ZER1: variants seen among roughly 807,000 people sequenced by gnomAD.
The protein encoded by ZER1 is zyg-11 related cell cycle regulator.
A neutral mutation model predicts 78.8 loss-of-function variants in ZER1; 11 were observed. That is an observed-to-expected ratio of 0.14 (90% CI 0.09 to 0.23). The LOEUF (loss-of-function observed/expected upper bound fraction) is 0.23. Among genes scored for constraint, ZER1 ranks in the 10% least tolerant of loss-of-function variants. The pLI, the probability that ZER1 is intolerant of heterozygous loss-of-function variation, is 1.00. For synonymous variants in ZER1, 400 were observed against 407.0 expected, an observed-to-expected ratio of 0.98 and a Z score of 0.21; for missense variants, 588 against 996.9, an observed-to-expected ratio of 0.59 and a Z score of 5.52.
chr9:128,739,080 G>C (rs1489289055), intron 13 of ZER1, among the ~76,000 whole-genome samples: 1 of 151,740 alleles, frequency 6.6e-6, no homozygotes, highest in Admixed American at 6.6e-5. Flanking sequence ...TTGAACTCCT[G>C]ACCTCGTGAT....
At position 128,755,725 on chromosome 9, in the gene ZER1, C is replaced by T; in HGVS notation, c.-94-66G>A. 1 of 930,702 alleles carries T rather than the reference C, an allele frequency of 1.1e-6. No homozygotes were observed. The highest frequency in any genetic ancestry group is 1.6e-6 in the Non-Finnish European group (1 of 637,826). 57.7% of individuals were successfully genotyped at this position (930,702 alleles called of 1,614,324 possible). A position where few individuals can be genotyped will look rare whatever the true frequency, so the allele number is the denominator to read the frequency against. On this transcript the variant is annotated intron_variant, in intron 1 of 15. Coordinates refer to ENST00000291900, the MANE Select transcript of ZER1 (RefSeq NM_006336.4). This position sits in a 1 kb window ranked among gnomAD's most constrained non-coding sequence, Gnocchi z 5.6. Reference sequence around the variant, plus strand: ...GCTAGAACTATCAGTGGTCCCATGTCCACGCTCTGAGTAGGGAAACTGAGA... The same window carrying T: ...GCTAGAACTATCAGTGGTCCCATGTTCACGCTCTGAGTAGGGAAACTGAGA...
rs759230170 is a variant in ZER1, at chr9:128,753,183, C to G, written c.727G>C (p.Val243Leu). The change falls in exon 4 of 16, where the codon GTG (valine) becomes CTG (leucine). Residue 243 changes from valine (V) to leucine (L), a missense_variant. Around this residue, in one of 3 missense-constraint regions of ZER1, gnomAD observed 406 missense variants for 660.1 expected, o/e 0.62. Coordinates refer to ENST00000291900, the MANE Select transcript of ZER1 (RefSeq NM_006336.4). The surrounding 1 kb of genome is among the most constrained non-coding windows in gnomAD (Gnocchi z 7.5). ...DLSDDHIRVI[V>L]QLHKLRHLDI... Reference sequence around the variant, plus strand: ...GCTCACCGCAGCTTGTGCAGCTGCACGATGACCCGGATGTGGTCGTCGGAC... The same window carrying G: ...GCTCACCGCAGCTTGTGCAGCTGCAGGATGACCCGGATGTGGTCGTCGGAC... 13 of 1,551,504 alleles carry G rather than the reference C, an allele frequency of 8.4e-6. No homozygotes were observed. Among genetic ancestry groups the G allele is most frequent in the Non-Finnish European group, 1.1e-5 (13 of 1,146,630 alleles).
chr9:128,750,193 T>C (rs1334842020), intron 8 of ZER1, among the ~76,000 whole-genome samples: 2 of 152,260 alleles, frequency 1.3e-5, no homozygotes, highest in Non-Finnish European at 2.9e-5. Flanking sequence ...TCACAATTGA[T>C]ATCCCATGTT....
chr9:128,751,221 G>A lies in ZER1; in HGVS notation c.1086C>T (p.Ala362=). 6.2e-7 allele frequency: 1 copy of A among 1,605,998 alleles called. No homozygotes were observed. Among genetic ancestry groups the A allele is most frequent in the South Asian group, 1.1e-5 (1 of 90,938 alleles). ...TGATCTCAGGCCGGTGCTCCGTGTAGGCCTCGATGGCATTCAGCACCTGCT... is the reference window on the plus strand; with the variant it reads ...TGATCTCAGGCCGGTGCTCCGTGTAAGCCTCGATGGCATTCAGCACCTGCT... ...NEEQVLNAIE[A]YTEHRPEITS... is the part of the protein sequence containing the mutation. The change falls in exon 7 of 16, where the codon GCC becomes GCT. Residue 362 remains alanine, a synonymous_variant. Coordinates refer to ENST00000291900, the MANE Select transcript of ZER1 (RefSeq NM_006336.4). The surrounding 1 kb of genome is among the most constrained non-coding windows in gnomAD (Gnocchi z 5.4).
intron 13 of ZER1, among the ~76,000 whole-genome samples, chr9:128,736,913 G>A (rs147301713): frequency 2.0e-5 from 3 of 151,984 alleles, no homozygotes; most frequent in African/African-American, 4.8e-5. Context: ...GGAGGCTGAG[G>A]GGGGTGGATT....
intron 1 of ZER1, among the ~76,000 whole-genome samples, chr9:128,763,786 G>A (rs1308137717): frequency 1.3e-5 from 2 of 152,144 alleles, no homozygotes; most frequent in African/African-American, 4.8e-5. Context: ...TCAGGAGTTC[G>A]AGACCAGCCT....
At chr9:128,748,770 C>T (rs1045351878) in intron 8 of ZER1, among the ~76,000 whole-genome samples, 4 of 151,558 alleles carry the variant, frequency 2.6e-5, no homozygotes, top group African/African-American at 9.7e-5. Flanking sequence ...CAGGGTTTCA[C>T]CACGTTGGCC....
intron 15 of ZER1, 134 bp downstream of exon 15, chr9:128,733,292 C>G: frequency 5.9e-6 from 4 of 673,500 alleles, no homozygotes; most frequent in Non-Finnish European, 1.0e-5. Flanking sequence ...GACATCAATA[C>G]ACTGTCAACC....
chr9:128,742,828 C>T, intron 8 of ZER1, 83 bp from the exon 9 acceptor site: 8 of 1,407,494 alleles, frequency 5.7e-6, no homozygotes, highest in South Asian at 1.3e-5. Flanking sequence ...GAGGTATGAG[C>T]TCATCCAGAG....
At chr9:128,737,430 G>A (rs1056629779) in intron 13 of ZER1, among the ~76,000 whole-genome samples, 3 of 152,120 alleles carry the variant, frequency 2.0e-5, no homozygotes, top group Admixed American at 6.6e-5. Flanking sequence ...CACTGGCAAC[G>A]CTACCAATGT....
In ZER1 at chr9:128,753,985, G is replaced by T. The variant is rs1388873287; in HGVS notation, c.159-26C>A. 3.2e-6 allele frequency: 5 copies of T among 1,569,540 alleles called. No individual in the cohort carries two copies. The South Asian group carries it at 5.9e-5, about 18-fold the overall frequency. On this transcript the variant is annotated intron_variant, in intron 2 of 15. Coordinates refer to ENST00000291900, the MANE Select transcript of ZER1 (RefSeq NM_006336.4). The surrounding 1 kb of genome is among the most constrained non-coding windows in gnomAD (Gnocchi z 7.5). The stretch of plus-strand genomic sequence containing the variant: ...CTGGGAGAGAAAAAAGCCTGGCTCA[G>T]GAGAGGGCCACAGGGACTCTCATCC...
At chr9:128,735,529 A>G (rs1009066611) in intron 13 of ZER1, 98 bp from the exon 14 acceptor site, 4 of 1,177,824 alleles carry the variant, frequency 3.4e-6, no homozygotes, top group Admixed American at 2.3e-5. Flanking sequence ...CCTAGTGACC[A>G]ACCATGATAG....
Position 128,770,741 on chromosome 9 carries a change from C to T in ZER1, c.-95+840G>A, listed in dbSNP as rs796101880. 2.6e-5 allele frequency among the ~76,000 whole-genome samples: 4 copies of T among 152,174 alleles called. No homozygotes were observed. In the South Asian group the frequency reaches 8.3e-4, roughly 31 times the overall value. ...ACTTTCTGCTCTAAGTATAGCCTCC[C>T]GTGACCCTTTTCAAGGCTATGCTTT... On this transcript the variant is annotated intron_variant, in intron 1 of 15. Transcript: ENST00000291900.
chr9:128,741,003 G>T lies in ZER1; in HGVS notation c.1738-116C>A, dbSNP rs528269922. 4.2e-5 allele frequency: 28 copies of T among 667,454 alleles called. No homozygotes were observed. The East Asian group carries it at 6.6e-4, about 16-fold the overall frequency. The allele number at this position is 667,454 out of a possible 1,614,324, so 41.3% of individuals were successfully genotyped here. On this transcript the variant is annotated intron_variant, in intron 11 of 15. Coordinates refer to ENST00000291900, the MANE Select transcript of ZER1 (RefSeq NM_006336.4). ...GCCATGCCAACTAGACAAAGAGGGG[G>T]CATATATGCTGCCCTCCTACCCTCC... is the stretch of plus-strand genomic sequence containing the variant.
intron 8 of ZER1, among the ~76,000 whole-genome samples, chr9:128,743,883 A>G (rs1863392749): frequency 7.2e-6 from 1 of 138,164 alleles, no homozygotes; most frequent in African/African-American, 2.7e-5. Flanking sequence ...GGCGCCTCCA[A>G]TGGCCCCTGC....
In ZER1 at chr9:128,765,262, C is replaced by T. The variant is rs142955453; in HGVS notation, c.-95+6319G>A. 3.7e-3 allele frequency among the ~76,000 whole-genome samples: 563 copies of T among 152,274 alleles called. 2 individuals are homozygous for T. Among genetic ancestry groups the T allele is most frequent in the African/African-American group, 0.013 (524 of 41,540 alleles). ...ACACACACACACACGTGCGCAAGCG[C>T]GCACGCACCTGTATCCTTGGTGTCT... On this transcript the variant is annotated intron_variant, in intron 1 of 15. Transcript: ENST00000291900.
chr9:128,748,814 C>T (rs1004691299), intron 8 of ZER1, among the ~76,000 whole-genome samples: 19 of 151,152 alleles, frequency 1.3e-4, no homozygotes, highest in African/African-American at 3.9e-4. Context: ...TCAGGTGATC[C>T]GCCTGCCTCA....
At chr9:128,766,876 T>C (rs1564412797) in intron 1 of ZER1, among the ~76,000 whole-genome samples, 1 of 144,310 alleles carries the variant, frequency 6.9e-6, no homozygotes, top group Non-Finnish European at 1.5e-5. Flanking sequence ...AAAGACCCAG[T>C]GTGTCCAGCT....
intron 14 of ZER1, among the ~76,000 whole-genome samples, chr9:128,734,736 A>G (rs1863001859): frequency 6.6e-6 from 1 of 152,128 alleles, no homozygotes; most frequent in Non-Finnish European, 1.5e-5. Flanking sequence ...TAGATTTCTA[A>G]GCCCTGTCTC....
Sources: allele counts gnomAD v4.1 joint callset (sites outside exome capture counted in the v4.1 genomes callset), GRCh38; gene constraint gnomAD v4.1.1; regional missense constraint gnomAD v4.1.1; non-coding constraint Gnocchi (gnomAD v3.1); transcripts MANE v1.5; gene names NCBI Gene and HGNC (gene_info 2026-07-23, HGNC 2026-07-21).